TENM3: variants seen among roughly 807,000 people sequenced by gnomAD.
TENM3 encodes the protein teneurin transmembrane protein 3.
In TENM3, 63 loss-of-function variants were observed where a neutral mutation model predicts 255.1. The ratio of observed to expected loss-of-function variants is 0.25; its 90% CI spans 0.20 to 0.30. TENM3 has a LOEUF of 0.30. Ranked by LOEUF, TENM3 falls within the 10% of genes least tolerant of loss-of-function variation. TENM3 has a pLI of 1.00. For synonymous variants in TENM3, 1,306 were observed against 1,322.3 expected, an observed-to-expected ratio of 0.99 and a Z score of 0.27; for missense variants, 2,929 against 3,461.1, an observed-to-expected ratio of 0.85 and a Z score of 3.86.
the TENM3 span, among the ~76,000 whole-genome samples, chr4:181,680,076 C>T: frequency 0.012 from 1,810 of 152,216 alleles, 35 homozygotes; most frequent in African/African-American, 0.041. Flanking sequence ...CTTGCTGCCA[C>T]ACTGTGTCAT....
Position 182,161,796 on chromosome 4 carries a change from TATATATACAC to T in TENM3, c.-76+17050_-76+17059del, listed in dbSNP as rs1421506931. Among the ~76,000 whole-genome samples the T allele has an allele frequency of 9.5e-5, 5 of 52,624 alleles. 1 individual carries two copies. The highest frequency in any genetic ancestry group is 4.0e-4 in the African/African-American group (4 of 9,998). 34.5% of individuals were successfully genotyped at this position (52,624 alleles called of 152,430 possible). A position where few individuals can be genotyped will look rare whatever the true frequency, so the allele number is the denominator to read the frequency against. ...ATATATATATACACAAATATATGTA[TATATATACAC>T]ATATATATGTATATATATACACATA... On this transcript the variant is annotated intron_variant, in intron 1 of 2. Coordinates refer to the TENM3 transcript ENST00000512480.
the TENM3 span, among the ~76,000 whole-genome samples, chr4:182,097,351 C>G: frequency 6.6e-6 from 1 of 152,186 alleles, no homozygotes; most frequent in African/African-American, 2.4e-5. Context: ...CGGCTCTGCC[C>G]TCTGAAGTGT....
intron 3 of TENM3, among the ~76,000 whole-genome samples, chr4:182,362,971 C>T (rs1389791064): frequency 6.6e-6 from 1 of 152,102 alleles, no homozygotes; most frequent in African/African-American, 2.4e-5. Flanking sequence ...GAAAAAGATA[C>T]CTTTCTGTCT....
chr4:182,768,082 T>TGACA (rs1317520030), intron 22 of TENM3, among the ~76,000 whole-genome samples: 2 of 152,324 alleles, frequency 1.3e-5, no homozygotes, highest in Admixed American at 1.3e-4. Flanking sequence ...AATTCTGGAC[T>TGACA]GACAATCCAC....
At chr4:182,770,417 G>A (rs1198646946) in intron 22 of TENM3, among the ~76,000 whole-genome samples, 3 of 152,104 alleles carry the variant, frequency 2.0e-5, no homozygotes, top group African/African-American at 7.2e-5. Flanking sequence ...GCTGGCCACT[G>A]TGCCTCAGCC....
chr4:182,653,772 A>G lies in TENM3; in HGVS notation c.990A>G (p.Ala330=), dbSNP rs751912571. 2 of 1,609,132 alleles carry G rather than the reference A, an allele frequency of 1.2e-6. No individual in the cohort carries two copies. The highest frequency in any genetic ancestry group is 4.5e-5 in the East Asian group (2 of 44,606). Residue 330 remains alanine (A), a splice_region_variant and synonymous_variant, in exon 6 of 28, where the codon GCA becomes GCG. Transcript: ENST00000511685. ...LLAILLSYFI[A]MHLFGLNWQL... Reference sequence around the variant, plus strand: ...ACAACTTGTGTTCTTTACCCCCAGCAATGCATCTCTTTGGCCTCAACTGGC... The same window carrying G: ...ACAACTTGTGTTCTTTACCCCCAGCGATGCATCTCTTTGGCCTCAACTGGC...
the TENM3 span, among the ~76,000 whole-genome samples, chr4:181,742,248 A>G: frequency 2.6e-5 from 4 of 152,318 alleles, no homozygotes; most frequent in Admixed American, 2.0e-4. Context: ...GTGTTGTTAT[A>G]ATTCTGACTT....
At chr4:182,785,461 A>G (rs1765565128) in intron 24 of TENM3, among the ~76,000 whole-genome samples, 1 of 151,730 alleles carries the variant, frequency 6.6e-6, no homozygotes, top group African/African-American at 2.4e-5. Flanking sequence ...TAGTCCCAGC[A>G]CTTTGGGAGG....
the TENM3 span, among the ~76,000 whole-genome samples, chr4:182,124,622 G>C: frequency 6.6e-6 from 1 of 152,182 alleles, no homozygotes; most frequent in East Asian, 1.9e-4. Flanking sequence ...GGCGTGGCCA[G>C]TATAGTAGAA....
At chr4:182,480,509 T>A (rs1734092328) in intron 3 of TENM3, among the ~76,000 whole-genome samples, 1 of 152,068 alleles carries the variant, frequency 6.6e-6, no homozygotes, top group Non-Finnish European at 1.5e-5. Flanking sequence ...GTTTTTAAGT[T>A]TGCTTGTAGG....
intron 3 of TENM3, among the ~76,000 whole-genome samples, chr4:182,447,455 T>G (rs905108562): frequency 2.0e-5 from 3 of 152,104 alleles, no homozygotes; most frequent in African/African-American, 7.2e-5. Context: ...AAAGTCAAGG[T>G]AAAGCTAGTA....
the TENM3 span, among the ~76,000 whole-genome samples, chr4:181,930,945 G>C: frequency 6.6e-6 from 1 of 152,052 alleles, no homozygotes. Context: ...TGCAGAAAAG[G>C]CCTTTGATAA....
At chr4:181,782,522 C>T in the TENM3 span, among the ~76,000 whole-genome samples, 8,794 of 151,800 alleles carry the variant, frequency 0.058, 479 homozygotes, top group African/African-American at 0.15. Context: ...TCTTCTTTAT[C>T]AGTCTTGCTA....
chr4:182,451,258 G>A (rs1773438089), intron 3 of TENM3, among the ~76,000 whole-genome samples: 1 of 152,120 alleles, frequency 6.6e-6, no homozygotes, highest in Non-Finnish European at 1.5e-5. Context: ...AGATAGCAGT[G>A]GCCTAGTGTG....
chr4:182,001,528 G>C, the TENM3 span, among the ~76,000 whole-genome samples: 1 of 152,028 alleles, frequency 6.6e-6, no homozygotes, highest in African/African-American at 2.4e-5. Context: ...CCTTGTGAAG[G>C]GTGTTTCTTT....
the TENM3 span, among the ~76,000 whole-genome samples, chr4:182,077,372 T>C: frequency 1.3e-5 from 2 of 152,192 alleles, no homozygotes; most frequent in Non-Finnish European, 2.9e-5. Context: ...CATTTATTCA[T>C]GTAACACTGT....
At chr4:182,319,294 C>T (rs928231375) in intron 1 of TENM3, among the ~76,000 whole-genome samples, 4 of 152,212 alleles carry the variant, frequency 2.6e-5, no homozygotes, top group South Asian at 4.1e-4. Context: ...ATTTCTTAAC[C>T]TTCTCGTCTT....
intron 1 of TENM3, among the ~76,000 whole-genome samples, chr4:182,209,392 CTG>C (rs1754828702): frequency 6.6e-6 from 1 of 152,064 alleles, no homozygotes; most frequent in African/African-American, 2.4e-5. Flanking sequence ...TGTGGCCCCA[CTG>C]TGCATGCTCA....
At chr4:182,220,201 A>G (rs1755761868) in intron 1 of TENM3, among the ~76,000 whole-genome samples, 1 of 151,852 alleles carries the variant, frequency 6.6e-6, no homozygotes, top group Admixed American at 6.6e-5. Flanking sequence ...ACATGGTGAA[A>G]CTCTGTCTCT....
Sources: allele counts gnomAD v4.1 joint callset (sites outside exome capture counted in the v4.1 genomes callset), GRCh38; gene constraint gnomAD v4.1.1; transcripts MANE v1.5; gene names NCBI Gene and HGNC (gene_info 2026-07-23, HGNC 2026-07-21).